The following FRMD6 variants were observed in gnomAD, a reference collection of about 807,000 sequenced individuals.
FRMD6 encodes FERM domain-containing protein 6.
In FRMD6, 37 loss-of-function variants were observed where a neutral mutation model predicts 73.2. That is an observed-to-expected ratio of 0.51 (90% CI 0.39 to 0.66). The LOEUF (loss-of-function observed/expected upper bound fraction) is 0.66. Among genes scored for constraint, FRMD6 ranks in the 30% least tolerant of loss-of-function variants. FRMD6 has a pLI of 0.00. For missense variants in FRMD6, 714 were observed against 780.5 expected (o/e 0.91, Z 1.02); for synonymous variants, 273 against 282.2 (o/e 0.97, Z 0.33).
At chr14:51,402,325 C>A in the FRMD6 span, among the ~76,000 whole-genome samples, 1 of 152,150 alleles carries the variant, frequency 6.6e-6, no homozygotes, top group South Asian at 2.1e-4. Flanking sequence ...TATGGTTTGG[C>A]TCTGTGTCCC....
chr14:51,701,200 T>TA (rs768686293), intron 4 of FRMD6, 41 bp downstream of exon 4: 4 of 1,225,340 alleles, frequency 3.3e-6, no homozygotes, highest in African/African-American at 1.5e-5. Context: ...TGATTTTTTT[T>TA]AAAAAATGTT....
intron 2 of FRMD6, among the ~76,000 whole-genome samples, chr14:51,633,944 A>C (rs1052505365): frequency 6.6e-6 from 1 of 152,244 alleles, no homozygotes; most frequent in Non-Finnish European, 1.5e-5. Flanking sequence ...CGGTACTTTC[A>C]AAAATCTGAA....
intron 2 of FRMD6, among the ~76,000 whole-genome samples, chr14:51,571,126 C>G (rs778837805): frequency 1.3e-5 from 2 of 152,204 alleles, no homozygotes; most frequent in Non-Finnish European, 2.9e-5. Flanking sequence ...CTAACCCCAG[C>G]ACTTTGGGAG....
chr14:51,594,700 C>T (rs369761157), intron 2 of FRMD6, among the ~76,000 whole-genome samples: 17 of 151,474 alleles, frequency 1.1e-4, no homozygotes, highest in African/African-American at 3.4e-4. Flanking sequence ...TGACCTTAGG[C>T]GATCCACCTG....
In FRMD6 at chr14:51,512,115, G is replaced by A. The variant is rs58170814; in HGVS notation, c.-210+22695G>A. Among the ~76,000 whole-genome samples the A allele has an allele frequency of 4.4e-3, 676 of 152,184 alleles. 2 individuals are homozygous for A. Among genetic ancestry groups the A allele is most frequent in the African/African-American group, 0.016 (653 of 41,508 alleles). On this transcript the variant is annotated intron_variant, in intron 1 of 14. Coordinates refer to the FRMD6 transcript ENST00000356218. ...GCTAACTTTTGGGTCTTGCCTCTGT[G>A]ATGAGCTCAGTCACTGAAGTCTAGC...
chr14:51,578,806 T>C (rs1160149294), intron 2 of FRMD6, among the ~76,000 whole-genome samples: 2 of 152,002 alleles, frequency 1.3e-5, no homozygotes, highest in African/African-American at 4.8e-5. Context: ...AGCAGGGAGG[T>C]ACATATCATG....
chr14:51,549,851 T>A (rs1375397204), intron 1 of FRMD6, among the ~76,000 whole-genome samples: 2 of 152,148 alleles, frequency 1.3e-5, no homozygotes, highest in Non-Finnish European at 2.9e-5. Context: ...CGCCTCGGCC[T>A]CCCAAAGTGC....
At chr14:51,535,165 C>A (rs971059995) in intron 1 of FRMD6, among the ~76,000 whole-genome samples, 1 of 152,160 alleles carries the variant, frequency 6.6e-6, no homozygotes, top group Non-Finnish European at 1.5e-5. Context: ...GGTCCTCAAA[C>A]CTTTCTAGCC....
the FRMD6 span, among the ~76,000 whole-genome samples, chr14:51,460,388 T>C: frequency 6.6e-6 from 1 of 152,234 alleles, no homozygotes; most frequent in South Asian, 2.1e-4. Context: ...TTCTAGTCTT[T>C]GGTTATTTTC....
the FRMD6 span, among the ~76,000 whole-genome samples, chr14:51,470,518 AC>A: frequency 2.7e-5 from 4 of 150,570 alleles, no homozygotes; most frequent in Admixed American, 2.0e-4. Flanking sequence ...CCAAAAAAAA[AC>A]CAGCTTTTGG....
chr14:51,511,068 C>T (rs1374534546), intron 1 of FRMD6, among the ~76,000 whole-genome samples: 1 of 152,030 alleles, frequency 6.6e-6, no homozygotes, highest in Non-Finnish European at 1.5e-5. Context: ...ACAGCCCTGC[C>T]CCAAGTCTCT....
At chr14:51,510,439 T>G (rs997634441) in intron 1 of FRMD6, among the ~76,000 whole-genome samples, 1 of 152,190 alleles carries the variant, frequency 6.6e-6, no homozygotes, top group Non-Finnish European at 1.5e-5. Flanking sequence ...TTTTTTTTCT[T>G]CAGGAACTTG....
At chr14:51,700,563 T>C (rs1896245545) in intron 3 of FRMD6, among the ~76,000 whole-genome samples, 1 of 152,050 alleles carries the variant, frequency 6.6e-6, no homozygotes, top group South Asian at 2.1e-4. Flanking sequence ...AAGATTAGTC[T>C]TCACAAAATG....
At position 51,729,174 on chromosome 14, in the gene FRMD6, T is replaced by G. The variant is rs921301973; in HGVS notation, c.*1145T>G. Reference sequence around the variant, plus strand: ...AATTTTGGGGGGAGCTTTTAAAAAATAATGACTGAGTCTCCCACCAGACCG... The same window carrying G: ...AATTTTGGGGGGAGCTTTTAAAAAAGAATGACTGAGTCTCCCACCAGACCG... On this transcript the variant is annotated 3_prime_UTR_variant, in exon 14 of 14. Coordinates refer to ENST00000344768, the MANE Select transcript of FRMD6 (RefSeq NM_001267046.2). 6.6e-6 allele frequency: 1 copy of G among 152,162 alleles called. No homozygotes were observed. The allele number at this position is 152,162 out of a possible 1,614,324, so 9.4% of individuals were successfully genotyped here. A position where few individuals can be genotyped will look rare whatever the true frequency, so the allele number is the denominator to read the frequency against.
At chr14:51,655,880 C>T (rs1380354053) in intron 1 of FRMD6, among the ~76,000 whole-genome samples, 1 of 152,126 alleles carries the variant, frequency 6.6e-6, no homozygotes, top group African/African-American at 2.4e-5. Context: ...TGTGCAGGGA[C>T]TGGATGCTTA....
chr14:51,543,256 T>C (rs1886295318), intron 1 of FRMD6, among the ~76,000 whole-genome samples: 1 of 152,002 alleles, frequency 6.6e-6, no homozygotes, highest in Admixed American at 6.6e-5. Flanking sequence ...AGATTTGCTT[T>C]AGGTGTATAT....
rs1338993699 is a variant in FRMD6, at chr14:51,664,539, G to A, written c.-147+12543G>A. ...GGATAGTTAGAAGCTCAGAGTGGTT[G>A]GTAGAATGAAAACTTTGTTACATAT... On this transcript the variant is annotated intron_variant, in intron 1 of 13. Transcript: ENST00000344768. Among the ~76,000 whole-genome samples the A allele has an allele frequency of 3.3e-5, 5 of 152,286 alleles. No homozygotes were observed. In the East Asian group the frequency reaches 9.6e-4, roughly 29 times the overall value.
At chr14:51,494,362 G>C (rs1022666345) in intron 1 of FRMD6, among the ~76,000 whole-genome samples, 1 of 152,232 alleles carries the variant, frequency 6.6e-6, no homozygotes, top group Non-Finnish European at 1.5e-5. Context: ...ACAGTGGTAG[G>C]ATAGGCTTAG....
chr14:51,459,057 G>T, the FRMD6 span, among the ~76,000 whole-genome samples: 1 of 150,858 alleles, frequency 6.6e-6, no homozygotes. Context: ...ACACGGCAGC[G>T]TAGTGAAGTG....
Sources: allele counts gnomAD v4.1 joint callset (sites outside exome capture counted in the v4.1 genomes callset), GRCh38; gene constraint gnomAD v4.1.1; transcripts MANE v1.5; gene names NCBI Gene and HGNC (gene_info 2026-07-23, HGNC 2026-07-21).